PPP2R3B: variants seen among roughly 807,000 people sequenced by gnomAD.
PPP2R3B encodes serine/threonine-protein phosphatase 2A regulatory subunit B'' subunit beta.
In PPP2R3B, 68 loss-of-function variants were observed where a neutral mutation model predicts 72.9. The observed-to-expected ratio is 0.93, with a 90% confidence interval of 0.77 to 1.14. The LOEUF is 1.14. Ranked by LOEUF, PPP2R3B falls within the 50% of genes most tolerant of loss-of-function variation. The pLI is 0.00. For missense variants in PPP2R3B, 1,018 were observed against 842.0 expected (o/e 1.21, Z -2.59); for synonymous variants, 466 against 375.8 (o/e 1.24, Z -2.78).
chrX:376,719 ACACC>A (rs1228326330), intron 1 of PPP2R3B, among the ~76,000 whole-genome samples: 5 of 77,068 alleles, frequency 6.5e-5, no homozygotes, highest in Admixed American at 1.2e-4. Context: ...CGGGCCGTCC[ACACC>A]CAGTGGGGCC....
rs973040315 is a variant in PPP2R3B at position 341,304 on chromosome X, C to T, written c.1175+3G>A. Reference sequence around the variant, plus strand: ...ACAAACGCATGCCGCAGCAGGAACCCACCTGGTCGGTGTTTTTTTGTCTTC... The same window carrying T: ...ACAAACGCATGCCGCAGCAGGAACCTACCTGGTCGGTGTTTTTTTGTCTTC... On this transcript the variant is annotated splice_donor_region_variant and intron_variant, in intron 9 of 12. Transcript: ENST00000390665. 6.2e-7 allele frequency: 1 copy of T among 1,612,472 alleles called. No individual in the cohort carries two copies. The highest frequency in any genetic ancestry group is 8.5e-7 in the Non-Finnish European group (1 of 1,179,714).
chrX:380,952 T>TA (rs1461319581), intron 1 of PPP2R3B, among the ~76,000 whole-genome samples: 1 of 151,494 alleles, frequency 6.6e-6, no homozygotes, highest in Non-Finnish European at 1.5e-5. Flanking sequence ...TTTTTTTTTT[T>TA]AGAGACAGAG....
At chrX:351,091 G>T (rs5989622) in intron 2 of PPP2R3B, among the ~76,000 whole-genome samples, 5,394 of 152,222 alleles carry the variant, frequency 0.035, 314 homozygotes, top group African/African-American at 0.12. Context: ...GACGCGCTCC[G>T]GCTGGCGCAC....
At chrX:351,366 G>A (rs2071329409) in intron 2 of PPP2R3B, among the ~76,000 whole-genome samples, 1 of 152,190 alleles carries the variant, frequency 6.6e-6, no homozygotes, top group South Asian at 2.1e-4. Flanking sequence ...AACACCCAGG[G>A]ATGGGGGGAT....
intron 2 of PPP2R3B, among the ~76,000 whole-genome samples, chrX:348,059 C>T (rs771854660): frequency 2.0e-5 from 3 of 152,180 alleles, no homozygotes; most frequent in East Asian, 1.9e-4. Context: ...AATCGGACGG[C>T]GACAGAAACA....
rs1250016537 is a variant in PPP2R3B, at chrX:348,090, G to A, written c.511-397C>T. On this transcript the variant is annotated intron_variant, in intron 2 of 12. Coordinates refer to ENST00000390665, the MANE Select transcript of PPP2R3B (RefSeq NM_013239.5). Reference sequence around the variant, plus strand: ...AAACATCTCATGGAATGTGTGGGACGCACCTACAGCAGCGACCCATGGCAG... The same window carrying A: ...AAACATCTCATGGAATGTGTGGGACACACCTACAGCAGCGACCCATGGCAG... Among the ~76,000 whole-genome samples, 5 of 152,232 alleles carry A rather than the reference G, an allele frequency of 3.3e-5. No individual in the cohort carries two copies. In the East Asian group the frequency reaches 7.7e-4, roughly 24 times the overall value.
rs1362220551 is a variant in PPP2R3B at position 386,805 on chromosome X, C to A, written c.-114G>T. The A allele has an allele frequency of 2.5e-5, 14 of 569,774 alleles. No individual in the cohort carries two copies. The highest frequency in any genetic ancestry group is 3.4e-5 in the Non-Finnish European group (14 of 416,378). 35.3% of individuals were successfully genotyped at this position (569,774 alleles called of 1,614,324 possible). Reference sequence around the variant, plus strand: ...GCGAGCACGGCCCGCTGAGGGGGCGCGGCGCAGGGAACAGGGCCCGCGCCT... The same window carrying A: ...GCGAGCACGGCCCGCTGAGGGGGCGAGGCGCAGGGAACAGGGCCCGCGCCT... On this transcript the variant is annotated 5_prime_UTR_variant, in exon 1 of 13. Coordinates refer to ENST00000390665, the MANE Select transcript of PPP2R3B (RefSeq NM_013239.5).
At chrX:364,583 TGGAG>T (rs2071653034) in intron 1 of PPP2R3B, among the ~76,000 whole-genome samples, 1 of 142,726 alleles carries the variant, frequency 7.0e-6, no homozygotes, top group African/African-American at 2.6e-5. Flanking sequence ...CCGGGTGTGG[TGGAG>T]GGTGCCTGTA....
At chrX:380,199 T>A (rs2072092387) in intron 1 of PPP2R3B, among the ~76,000 whole-genome samples, 1 of 152,066 alleles carries the variant, frequency 6.6e-6, no homozygotes, top group African/African-American at 2.4e-5. Context: ...ACACAAAAAA[T>A]AAGAGTCATA....
chrX:351,688 G>A (rs2071336235), intron 2 of PPP2R3B, among the ~76,000 whole-genome samples: 1 of 132,360 alleles, frequency 7.6e-6, no homozygotes, highest in Non-Finnish European at 1.6e-5. Context: ...TGTGATCACA[G>A]CGTGATCCAT....
At chrX:361,280 A>C in intron 2 of PPP2R3B, 125 bp downstream of exon 2, 1 of 1,102,176 alleles carries the variant, frequency 9.1e-7, no homozygotes, top group Non-Finnish European at 1.3e-6. Context: ...TGTGAAACGC[A>C]CCCTCCTCGG....
At chrX:342,265 G>A (rs1218186878) in intron 7 of PPP2R3B, 9 of 489,948 alleles carry the variant, frequency 1.8e-5, no homozygotes, top group Non-Finnish European at 2.6e-5. Context: ...AAACAAACAC[G>A]TTTCAACCAA....
At chrX:341,031 G>C in intron 9 of PPP2R3B, 91 bp from the exon 10 acceptor site, 6 of 1,513,428 alleles carry the variant, frequency 4.0e-6, no homozygotes, top group Non-Finnish European at 5.3e-6. Flanking sequence ...GGGGGTGCAC[G>C]CGTCCCCGCT....
At chrX:373,711 G>T (rs1603124772) in intron 1 of PPP2R3B, 3 of 148,494 alleles carry the variant, frequency 2.0e-5, no homozygotes, top group Non-Finnish European at 3.0e-5. Flanking sequence ...CGCTCTCGGG[G>T]CAGGGCCGGG....
intron 1 of PPP2R3B, among the ~76,000 whole-genome samples, chrX:364,008 C>T (rs1449416639): frequency 1.3e-5 from 2 of 152,240 alleles, no homozygotes; most frequent in Non-Finnish European, 2.9e-5. Context: ...GAAAGGAGGA[C>T]ACCTCAGGCC....
chrX:345,061 G>T, intron 7 of PPP2R3B: 1 of 408,542 alleles, frequency 2.4e-6, no homozygotes, highest in East Asian at 7.0e-5. Context: ...CACCTGGGCG[G>T]CACCGGCTCC....
chrX:341,720 C>T, intron 8 of PPP2R3B, 163 bp downstream of exon 8: 1 of 807,390 alleles, frequency 1.2e-6, no homozygotes, highest in Non-Finnish European at 2.1e-6. Flanking sequence ...CCCCCCCCCA[C>T]TAGGGATTCA....
At chrX:346,355 G>C (rs2071212759) in intron 5 of PPP2R3B, 95 bp from the exon 6 acceptor site, 4 of 1,283,838 alleles carry the variant, frequency 3.1e-6, no homozygotes, top group Admixed American at 4.0e-5. Flanking sequence ...CGCGCCCTTG[G>C]TCTCAGCCGC....
At position 349,166 on chromosome X, in the gene PPP2R3B, G is replaced by A. The variant is rs535108862; in HGVS notation, c.511-1473C>T. 5.0e-4 allele frequency among the ~76,000 whole-genome samples: 76 copies of A among 152,210 alleles called. No individual in the cohort carries two copies. In the South Asian group the frequency reaches 0.014, roughly 28 times the overall value. On this transcript the variant is annotated intron_variant, in intron 2 of 12. Coordinates refer to ENST00000390665, the MANE Select transcript of PPP2R3B (RefSeq NM_013239.5). ...CTGAAATCCTCTCCCCCGAGGCGAT[G>A]GTGTTGGGAGGTGGGGCCTCATGAA...
Sources: allele counts gnomAD v4.1 joint callset (sites outside exome capture counted in the v4.1 genomes callset), GRCh38; gene constraint gnomAD v4.1.1; transcripts MANE v1.5; gene names NCBI Gene and HGNC (gene_info 2026-07-23, HGNC 2026-07-21).